The following POFUT2 variants were observed in gnomAD, a reference collection of about 807,000 sequenced individuals.
The protein encoded by POFUT2 is protein O-fucosyltransferase 2.
A neutral mutation model predicts 55.0 loss-of-function variants in POFUT2; 30 were observed. The observed-to-expected ratio is 0.55, with a 90% CI of 0.41 to 0.74. The LOEUF is 0.74. Among genes scored for constraint, POFUT2 ranks in the 30% least tolerant of loss-of-function variants. The pLI, the probability that POFUT2 is intolerant of heterozygous loss-of-function variation, is 0.00. For synonymous variants in POFUT2, 267 were observed against 231.1 expected, an observed-to-expected ratio of 1.16 and a Z score of -1.41; for missense variants, 524 against 562.6, an observed-to-expected ratio of 0.93 and a Z score of 0.69.
intron 2 of POFUT2, among the ~76,000 whole-genome samples, chr21:45,283,989 G>T (rs1006812521): frequency 1.1e-4 from 16 of 152,216 alleles, no homozygotes; most frequent in Admixed American, 2.0e-4. Context: ...CTCCCCCGGG[G>T]ACAGAGGCTC....
intron 7 of POFUT2, among the ~76,000 whole-genome samples, chr21:45,268,883 G>T (rs1362332165): frequency 3.7e-5 from 4 of 109,218 alleles, no homozygotes; most frequent in African/African-American, 1.1e-4. Flanking sequence ...ACCCCGGGCG[G>T]CCAGCCGCCC....
In POFUT2 at chr21:45,277,239, A is replaced by G; in HGVS notation, c.706-97T>C. 1 of 1,472,254 alleles carries G rather than the reference A, an allele frequency of 6.8e-7. No homozygotes were observed. Among genetic ancestry groups the G allele is most frequent in the Admixed American group, 1.9e-5 (1 of 53,252 alleles). The allele number at this position is 1,472,254 out of a possible 1,614,324, so 91.2% of individuals were successfully genotyped here. A position where few individuals can be genotyped will look rare whatever the true frequency, so the allele number is the denominator to read the frequency against. On this transcript the variant is annotated intron_variant, in intron 5 of 8. Coordinates refer to ENST00000349485, the MANE Select transcript of POFUT2 (RefSeq NM_133635.6). The surrounding 1 kb of genome is among the most constrained non-coding windows in gnomAD (Gnocchi z 6.9). Reference sequence around the variant, plus strand: ...TGTCGCTGCCACCACCCACCCCCGCAGCTGGAACAAGCCCCTCAGACACGT... The same window carrying G: ...TGTCGCTGCCACCACCCACCCCCGCGGCTGGAACAAGCCCCTCAGACACGT...
chr21:45,265,693 G>C lies in POFUT2; in HGVS notation c.1137-58C>G. The C allele has an allele frequency of 8.2e-7, 1 of 1,224,722 alleles. No homozygotes were observed. The highest frequency in any genetic ancestry group is 1.1e-6 in the Non-Finnish European group (1 of 946,638). The allele number at this position is 1,224,722 out of a possible 1,614,324, so 75.9% of individuals were successfully genotyped here. On this transcript the variant is annotated intron_variant, in intron 8 of 8. Transcript: ENST00000349485. This position sits in a 1 kb window ranked among gnomAD's most constrained non-coding sequence, Gnocchi z 4.6. ...GAGAACTGGCGTCACAGAGGTTCCA[G>C]AGTCAGGGAGAACTGAGAGGAGCAG...
chr21:45,268,748 AGCCACCCCATCTGGGAAGTGAGGAGCG>A (rs2093183793), intron 7 of POFUT2, among the ~76,000 whole-genome samples: 1 of 138,346 alleles, frequency 7.2e-6, no homozygotes, highest in African/African-American at 2.8e-5. Context: ...TCCGCCCGGC[AGCCACCCCATCTGGGAAGTGAGGAGCG>A]TCTCCGCCCG....
chr21:45,275,191 CAGGGA>C (rs1318602039), intron 6 of POFUT2, among the ~76,000 whole-genome samples: 1 of 152,184 alleles, frequency 6.6e-6, no homozygotes, highest in Non-Finnish European at 1.5e-5. Context: ...CACTAATGAT[CAGGGA>C]AATGCAAATG....
chr21:45,271,366 A>G (rs2093218559), intron 6 of POFUT2, among the ~76,000 whole-genome samples: 1 of 152,348 alleles, frequency 6.6e-6, no homozygotes, highest in East Asian at 1.9e-4. Context: ...GAATAGTAAA[A>G]AAAATGAACA....
At chr21:45,283,556 T>C (rs1316828177) in intron 2 of POFUT2, 29 bp from the exon 3 acceptor site, 4 of 1,611,444 alleles carry the variant, frequency 2.5e-6, no homozygotes, top group Middle Eastern at 1.7e-4. Context: ...AGCCAGGCAG[T>C]GTGACAGCGA....
At position 45,270,358 on chromosome 21, in the gene POFUT2, C is replaced by G. The variant is rs1236563728; in HGVS notation, c.832-339G>C. On this transcript the variant is annotated intron_variant, in intron 6 of 8. Coordinates refer to ENST00000349485, the MANE Select transcript of POFUT2 (RefSeq NM_133635.6). The surrounding 1 kb of genome is among the most constrained non-coding windows in gnomAD (Gnocchi z 4.6). ...ACAAAGAGTTCACGGATCCTGTGGA[C>G]AAAGCAGCTCACAGCTGCAAACTCC... is the stretch of plus-strand genomic sequence containing the variant. 6.6e-6 allele frequency among the ~76,000 whole-genome samples: 1 copy of G among 152,026 alleles called. No individual in the cohort carries two copies. The highest frequency in any genetic ancestry group is 2.4e-5 in the African/African-American group (1 of 41,374).
intron 8 of POFUT2, chr21:45,266,165 G>C (rs143722016): frequency 1.5e-6 from 2 of 1,367,014 alleles, no homozygotes; most frequent in East Asian, 9.1e-5. Flanking sequence ...TCAGGTCAGC[G>C]GCCTGCCCGT....
At position 45,281,327 on chromosome 21, in the gene POFUT2, A is replaced by G. The variant is rs901540454; in HGVS notation, c.638+1022T>C. Among the ~76,000 whole-genome samples the G allele has an allele frequency of 9.2e-5, 14 of 152,160 alleles. No individual in the cohort carries two copies. Among genetic ancestry groups the G allele is most frequent in the Non-Finnish European group, 1.9e-4 (13 of 68,032 alleles). ...GCAGACTGGCTTCCAAAACCCGAAT[A>G]TTGTCATGAAATGAACCCAGTCCCA... On this transcript the variant is annotated intron_variant, in intron 4 of 8. Coordinates refer to ENST00000349485, the MANE Select transcript of POFUT2 (RefSeq NM_133635.6). The surrounding 1 kb of genome is among the most constrained non-coding windows in gnomAD (Gnocchi z 5.0).
intron 6 of POFUT2, among the ~76,000 whole-genome samples, chr21:45,275,312 C>T (rs1389829245): frequency 6.6e-6 from 1 of 152,182 alleles, no homozygotes; most frequent in East Asian, 1.9e-4. Context: ...TACTGCGACA[C>T]TCCTGGTGGG....
Position 45,265,451 on chromosome 21 carries a change from G to T in POFUT2, c.*31C>A, listed in dbSNP as rs368685176. ...GAACCTGCATCCACCCGCGCCTGTC[G>T]GGTCCGGGGAGCGGCCCTGGAGGAT... On this transcript the variant is annotated 3_prime_UTR_variant, in exon 9 of 9. Transcript: ENST00000349485. This position sits in a 1 kb window ranked among gnomAD's most constrained non-coding sequence, Gnocchi z 4.6. 4 of 1,576,816 alleles carry T rather than the reference G, an allele frequency of 2.5e-6. No homozygotes were observed. Among genetic ancestry groups the T allele is most frequent in the South Asian group, 1.1e-5 (1 of 87,168 alleles).
rs1423632136 is a variant in POFUT2, at chr21:45,265,126, A to C, written c.*356T>G. 1.1e-5 allele frequency: 2 copies of C among 189,556 alleles called. No homozygotes were observed. Among genetic ancestry groups the C allele is most frequent in the Non-Finnish European group, 2.2e-5 (2 of 93,014 alleles). The allele number at this position is 189,556 out of a possible 1,614,324, so 11.7% of individuals were successfully genotyped here. On this transcript the variant is annotated 3_prime_UTR_variant, in exon 9 of 9. Coordinates refer to ENST00000349485, the MANE Select transcript of POFUT2 (RefSeq NM_133635.6). The surrounding 1 kb of genome is among the most constrained non-coding windows in gnomAD (Gnocchi z 4.6). ...CCTGCATCTATCCTCAATGCACTTA[A>C]AATATGAAGACATGAAAGGTGGCTG... is the stretch of plus-strand genomic sequence containing the variant.
rs1265905028 is a variant in POFUT2 at position 45,270,734 on chromosome 21, A to G, written c.832-715T>C. Among the ~76,000 whole-genome samples the G allele has an allele frequency of 6.6e-6, 1 of 152,224 alleles. No individual in the cohort carries two copies. Among genetic ancestry groups the G allele is most frequent in the African/African-American group, 2.4e-5 (1 of 41,460 alleles). ...CGGATCACAGCACAGGACTCTCCGC[A>G]GACATTCCCCAGCAGCATCCCAGGG... On this transcript the variant is annotated intron_variant, in intron 6 of 8. Coordinates refer to ENST00000349485, the MANE Select transcript of POFUT2 (RefSeq NM_133635.6). This position sits in a 1 kb window ranked among gnomAD's most constrained non-coding sequence, Gnocchi z 4.6.
rs149902223 is a variant in POFUT2 at position 45,284,127 on chromosome 21, G to A, written c.383-600C>T. 2.4e-4 allele frequency among the ~76,000 whole-genome samples: 37 copies of A among 151,900 alleles called. 2 individuals carry two copies. The East Asian group carries it at 6.8e-3, about 28-fold the overall frequency. ...CAGGAATAAAGCGGGAGGGAGCACCGCGCAGGTGAAGTTCTGGGGCAGGAA... is the reference window on the plus strand; with the variant it reads ...CAGGAATAAAGCGGGAGGGAGCACCACGCAGGTGAAGTTCTGGGGCAGGAA... On this transcript the variant is annotated intron_variant, in intron 2 of 8. Coordinates refer to ENST00000349485, the MANE Select transcript of POFUT2 (RefSeq NM_133635.6). This position sits in a 1 kb window ranked among gnomAD's most constrained non-coding sequence, Gnocchi z 5.8.
At chr21:45,274,732 G>A (rs974557290) in intron 6 of POFUT2, among the ~76,000 whole-genome samples, 1 of 152,156 alleles carries the variant, frequency 6.6e-6, no homozygotes, top group African/African-American at 2.4e-5. Flanking sequence ...ATTCAAAAAT[G>A]GTGTGGGGAT....
At chr21:45,275,182 A>G (rs1050114357) in intron 6 of POFUT2, among the ~76,000 whole-genome samples, 3 of 152,226 alleles carry the variant, frequency 2.0e-5, no homozygotes, top group African/African-American at 7.2e-5. Flanking sequence ...GCTTAACTTC[A>G]CTAATGATCA....
intron 6 of POFUT2, among the ~76,000 whole-genome samples, chr21:45,273,782 C>T (rs994115322): frequency 3.9e-5 from 6 of 152,044 alleles, no homozygotes; most frequent in Non-Finnish European, 8.8e-5. Context: ...AGATTAAAAC[C>T]CTCAGCAAAG....
Position 45,267,786 on chromosome 21 carries a change from C to A in POFUT2, c.1013-73G>T, listed in dbSNP as rs1179104603. 23 of 1,341,664 alleles carry A rather than the reference C, an allele frequency of 1.7e-5. No individual in the cohort carries two copies. Among genetic ancestry groups the A allele is most frequent in the Non-Finnish European group, 2.3e-5 (22 of 947,350 alleles). The allele number at this position is 1,341,664 out of a possible 1,614,324, so 83.1% of individuals were successfully genotyped here. On this transcript the variant is annotated intron_variant, in intron 7 of 8. Coordinates refer to ENST00000349485, the MANE Select transcript of POFUT2 (RefSeq NM_133635.6). The surrounding 1 kb of genome is among the most constrained non-coding windows in gnomAD (Gnocchi z 4.4). Reference sequence around the variant, plus strand: ...GACAGATACGTGACTCTTTAGCAGACAGACATGCGTACTTGGCTTCTGGTT... The same window carrying A: ...GACAGATACGTGACTCTTTAGCAGAAAGACATGCGTACTTGGCTTCTGGTT...
Sources: gnomAD v4.1 joint callset for allele counts (sites outside exome capture counted in the v4.1 genomes callset) on GRCh38, gnomAD v4.1.1 for gene constraint, Gnocchi (gnomAD v3.1) non-coding constraint, MANE v1.5 for transcripts, NCBI Gene and HGNC (gene_info 2026-07-23, HGNC 2026-07-21) for gene names.